DIP2B: variants seen among roughly 807,000 people sequenced by gnomAD.
The protein encoded by DIP2B is DIP2 acetate--CoA ligase B (putative), also known as disco-interacting protein 2 homolog B.
DIP2B carries 76 observed loss-of-function variants against 198.0 expected under a neutral mutation model. The ratio of observed to expected loss-of-function variants is 0.38; its 90% CI spans 0.32 to 0.46. DIP2B has a LOEUF of 0.46. Ranked by LOEUF, DIP2B falls within the 20% of genes least tolerant of loss-of-function variation. The probability of loss-of-function intolerance (pLI) is 0.99; values close to 1 mark genes in which losing one functional copy is unlikely to be tolerated. For missense variants in DIP2B, 1,559 were observed against 1,978.4 expected (o/e 0.79, Z 4.02); for synonymous variants, 701 against 739.1 (o/e 0.95, Z 0.84).
At chr12:50,537,962 C>T (rs922038802) in intron 1 of DIP2B, among the ~76,000 whole-genome samples, 3 of 152,046 alleles carry the variant, frequency 2.0e-5, no homozygotes, top group Non-Finnish European at 4.4e-5. Context: ...AAATGGTGAG[C>T]GCAGGCTTCT....
intron 1 of DIP2B, among the ~76,000 whole-genome samples, chr12:50,591,970 C>T (rs924093053): frequency 3.5e-4 from 53 of 151,432 alleles, no homozygotes; most frequent in Admixed American, 1.6e-3. Flanking sequence ...CTCTGCCTCC[C>T]GGGTTCAAGT....
chr12:50,701,892 AGTAAACCT>A (rs1237530911), intron 19 of DIP2B, among the ~76,000 whole-genome samples: 7 of 152,194 alleles, frequency 4.6e-5, no homozygotes, highest in African/African-American at 9.7e-5. Context: ...CTGTAAAGCA[AGTAAACCT>A]GTTCCTGGTA....
chr12:50,583,652 A>T (rs1409610717), intron 1 of DIP2B, among the ~76,000 whole-genome samples: 1 of 152,190 alleles, frequency 6.6e-6, no homozygotes, highest in Admixed American at 6.5e-5. Flanking sequence ...GTAAATTGAA[A>T]ACACACTTAC....
intron 32 of DIP2B, 70 bp downstream of exon 32, chr12:50,732,606 T>TGGG: frequency 1.3e-6 from 2 of 1,577,944 alleles, no homozygotes; most frequent in South Asian, 2.3e-5. Flanking sequence ...GCATGGGCTT[T>TGGG]GGAGCCAGGC....
In DIP2B at chr12:50,698,968, G is replaced by C. The variant is rs1364190083; in HGVS notation, c.2189-98G>C. On this transcript the variant is annotated intron_variant, in intron 18 of 37. Transcript: ENST00000301180. ...TGGTATTTTTACTTAATGCCACTCAGTAAAGGCAGGACTTTCTTGGGTTCA... is the reference window on the plus strand; with the variant it reads ...TGGTATTTTTACTTAATGCCACTCACTAAAGGCAGGACTTTCTTGGGTTCA... 13 of 1,412,224 alleles carry C rather than the reference G, an allele frequency of 9.2e-6. No homozygotes were observed. In the East Asian group the frequency reaches 1.4e-4, roughly 15 times the overall value. The allele number at this position is 1,412,224 out of a possible 1,614,324, so 87.5% of individuals were successfully genotyped here.
rs1209141757 is a variant in DIP2B, at chr12:50,748,511, G to T, written c.*3672G>T. ...TTACCCGTGTCAAATTCAAACTACA[G>T]TACTGTGTAATTATGTATAAAGTTT... On this transcript the variant is annotated 3_prime_UTR_variant, in exon 38 of 38. Transcript: ENST00000301180. 3 of 152,590 alleles carry T rather than the reference G, an allele frequency of 2.0e-5. No individual in the cohort carries two copies. The highest frequency in any genetic ancestry group is 7.2e-5 in the African/African-American group (3 of 41,418). The allele number at this position is 152,590 out of a possible 1,614,324, so 9.5% of individuals were successfully genotyped here.
chr12:50,627,921 T>C (rs1937967174), intron 2 of DIP2B, among the ~76,000 whole-genome samples: 1 of 152,188 alleles, frequency 6.6e-6, no homozygotes, highest in South Asian at 2.1e-4. Context: ...TATCTGTTCC[T>C]CCTGGCCAAG....
At chr12:50,687,235 C>A (rs536840381) in intron 12 of DIP2B, among the ~76,000 whole-genome samples, 2 of 152,282 alleles carry the variant, frequency 1.3e-5, no homozygotes, top group Admixed American at 6.5e-5. Context: ...GTAGTCCTCA[C>A]AAGTACCCTG....
chr12:50,713,934 G>GA (rs539087363), intron 22 of DIP2B, among the ~76,000 whole-genome samples: 37 of 151,970 alleles, frequency 2.4e-4, no homozygotes, highest in African/African-American at 8.2e-4. Context: ...AAAAAGAAAA[G>GA]AAAAAAAATT....
chr12:50,632,016 G>A (rs1249527409), intron 2 of DIP2B, among the ~76,000 whole-genome samples: 2 of 149,228 alleles, frequency 1.3e-5, no homozygotes, highest in Non-Finnish European at 3.0e-5. Flanking sequence ...CCTAAATAGA[G>A]AGAAGGTCTC....
At chr12:50,692,803 C>T (rs1939244234) in intron 13 of DIP2B, 146 bp from the exon 14 acceptor site, 3 of 677,332 alleles carry the variant, frequency 4.4e-6, no homozygotes, top group Non-Finnish European at 7.5e-6. Context: ...CATCACTGCA[C>T]TCCAGCCTGG....
At chr12:50,686,046 CAT>C (rs1939124735) in intron 11 of DIP2B, 90 bp downstream of exon 11, 1 of 1,282,586 alleles carries the variant, frequency 7.8e-7, no homozygotes, top group South Asian at 1.5e-5. Context: ...AGGTACTTTA[CAT>C]ATATGTTCTA....
At chr12:50,546,691 C>T (rs1165969467) in intron 1 of DIP2B, among the ~76,000 whole-genome samples, 4 of 152,034 alleles carry the variant, frequency 2.6e-5, no homozygotes, top group Non-Finnish European at 4.4e-5. Flanking sequence ...TAATAGGTGC[C>T]CAGTAAATGT....
rs1005573202 is a variant in DIP2B at position 50,706,596 on chromosome 12, G to A, written c.2465G>A (p.Arg822Lys). ...GGCTTACTGATGGTTAGTGGTCGAA[G>A]ACATAATGCTGATGACATTGTTGCT... ...MDGLLMVSGR[R>K]HNADDIVATG... The change falls in exon 21 of 38, where the codon AGA becomes AAA. Residue 822 changes from arginine (R) to lysine (K), a missense_variant. Arg to Lys is a conservative substitution (Grantham distance 26). Coordinates refer to ENST00000301180, the MANE Select transcript of DIP2B (RefSeq NM_173602.3). The A allele has an allele frequency of 1.2e-6, 2 of 1,614,096 alleles. No individual in the cohort carries two copies. The highest frequency in any genetic ancestry group is 8.5e-7 in the Non-Finnish European group (1 of 1,179,996).
chr12:50,717,732 A>T (rs1939756015), intron 23 of DIP2B, among the ~76,000 whole-genome samples: 1 of 150,720 alleles, frequency 6.6e-6, no homozygotes, highest in Non-Finnish European at 1.5e-5. Flanking sequence ...TGGACTAAAG[A>T]TGTCTACCAC....
intron 1 of DIP2B, among the ~76,000 whole-genome samples, chr12:50,618,654 T>C (rs530530497): frequency 1.3e-5 from 2 of 152,228 alleles, no homozygotes; most frequent in Non-Finnish European, 2.9e-5. Context: ...TCACAGCACT[T>C]ACTAGGTGTG....
chr12:50,646,401 G>A (rs902146542), intron 3 of DIP2B, among the ~76,000 whole-genome samples: 25 of 149,384 alleles, frequency 1.7e-4, no homozygotes, highest in African/African-American at 5.7e-4. Flanking sequence ...GATTACAGGC[G>A]TGAGCCACTG....
intron 2 of DIP2B, among the ~76,000 whole-genome samples, chr12:50,639,351 A>G (rs1472219004): frequency 4.6e-5 from 7 of 152,172 alleles, no homozygotes; most frequent in African/African-American, 1.7e-4. Flanking sequence ...GGACAGTCCA[A>G]GATGGCTCAT....
At chr12:50,721,486 A>G in intron 26 of DIP2B, 90 bp downstream of exon 26, 5 of 1,555,988 alleles carry the variant, frequency 3.2e-6, no homozygotes, top group South Asian at 1.2e-5. Context: ...GCTACTCTCT[A>G]TGACTTGCAA....
Sources: gnomAD v4.1 joint callset for allele counts (sites outside exome capture counted in the v4.1 genomes callset) on GRCh38, gnomAD v4.1.1 for gene constraint, MANE v1.5 for transcripts, NCBI Gene and HGNC (gene_info 2026-07-23, HGNC 2026-07-21) for gene names.